The following SLC2A11 variants were observed in gnomAD, a reference collection of about 807,000 sequenced individuals.
SLC2A11 encodes the protein solute carrier family 2 member 11.
Under a neutral mutation model 52.1 loss-of-function variants are expected in SLC2A11, and 43 were observed. The ratio of observed to expected loss-of-function variants is 0.82; its 90% CI spans 0.65 to 1.06. The LOEUF is 1.06. SLC2A11 is among the 50% of genes least tolerant of loss of function. The probability of loss-of-function intolerance (pLI) is 0.00; values close to 1 mark genes in which losing one functional copy is unlikely to be tolerated. For synonymous variants in SLC2A11, 261 were observed against 277.6 expected, an observed-to-expected ratio of 0.94 and a Z score of 0.59; for missense variants, 582 against 654.2, an observed-to-expected ratio of 0.89 and a Z score of 1.20.
Position 23,882,456 on chromosome 22 carries a change from C to T in SLC2A11, c.695-3C>T. On this transcript the variant is annotated splice_region_variant and splice_polypyrimidine_tract_variant and intron_variant, in intron 6 of 11. Transcript: ENST00000316185. ...GAGCTCAGTACCCTCCTCCCTGGCT[C>T]AGCACTACGGCGGCTCCGGGGCTCC... The T allele has an allele frequency of 6.5e-7, 1 of 1,533,084 alleles. No individual in the cohort carries two copies. 95.0% of individuals were successfully genotyped at this position (1,533,084 alleles called of 1,614,324 possible).
At chr22:23,862,553 G>A (rs1270780507) in intron 2 of SLC2A11, among the ~76,000 whole-genome samples, 1 of 151,704 alleles carries the variant, frequency 6.6e-6, no homozygotes, top group Admixed American at 6.6e-5. Flanking sequence ...TTCTGGCCCA[G>A]CCTCCTCACT....
chr22:23,885,012 C>G lies in SLC2A11; in HGVS notation c.*163C>G, dbSNP rs368340967. On this transcript the variant is annotated 3_prime_UTR_variant, in exon 12 of 12. Transcript: ENST00000316185. The stretch of plus-strand genomic sequence containing the variant: ...CAGGTGCTTAGCAATCAATGGTGAG[C>G]GTGGTATTCCAGGCTAAAGGTAATT... 1,255 of 603,744 alleles carry G rather than the reference C, an allele frequency of 2.1e-3. 34 individuals are homozygous for G. In the South Asian group the frequency reaches 0.025, roughly 12 times the overall value. 37.4% of individuals were successfully genotyped at this position (603,744 alleles called of 1,614,324 possible). A position where few individuals can be genotyped will look rare whatever the true frequency, so the allele number is the denominator to read the frequency against.
rs767065805 is a variant in SLC2A11, at chr22:23,884,366, G to A, written c.1236G>A (p.Met412Ile). The A allele has an allele frequency of 3.1e-6, 5 of 1,614,060 alleles. No homozygotes were observed. Among genetic ancestry groups the A allele is most frequent in the Non-Finnish European group, 4.2e-6 (5 of 1,180,024 alleles). ...FDQMARPAAC[M>I]VCGALMWIML... ...AGATGGCCAGGCCTGCTGCCTGCAT[G>A]GTCTGCGGGGCGCTCATGTGGATCA... is the stretch of plus-strand genomic sequence containing the variant. Residue 412 changes from methionine to isoleucine, a missense_variant, in exon 11 of 12, where the codon ATG (methionine) becomes ATA (isoleucine). Coordinates refer to ENST00000316185, the MANE Select transcript of SLC2A11 (RefSeq NM_001024939.4). This position sits in a 1 kb window ranked among gnomAD's most constrained non-coding sequence, Gnocchi z 4.3.
At chr22:23,881,881 G>C (rs1304594713) in intron 6 of SLC2A11, 1 of 158,754 alleles carries the variant, frequency 6.3e-6, no homozygotes, top group Non-Finnish European at 1.4e-5. Context: ...CAGAGGCAGA[G>C]AGAGAGAAAC....
chr22:23,877,016 C>A (rs750950543), intron 4 of SLC2A11, 26 bp from the exon 5 acceptor site: 1 of 1,613,622 alleles, frequency 6.2e-7, no homozygotes, highest in South Asian at 1.1e-5. Context: ...TGGTGGCTGA[C>A]GTGCCTCTGC....
At chr22:23,869,135 G>A (rs1313603630) in intron 3 of SLC2A11, 1 of 159,806 alleles carries the variant, frequency 6.3e-6, no homozygotes, top group Admixed American at 6.0e-5. Context: ...AGATTGCATG[G>A]GTCCAGGAGT....
upstream of SLC2A11, chr22:23,857,083 G>A: frequency 1.7e-6 from 2 of 1,192,132 alleles, no homozygotes; most frequent in Non-Finnish European, 2.4e-6. Flanking sequence ...TGGGGGGGGG[G>A]GGGTGTAGGT....
rs1459359122 is a variant in SLC2A11, at chr22:23,884,140, C to T, written c.1171+116C>T. The T allele has an allele frequency of 6.7e-7, 1 of 1,500,844 alleles. No individual in the cohort carries two copies. Among genetic ancestry groups the T allele is most frequent in the East Asian group, 2.4e-5 (1 of 42,222 alleles). The allele number at this position is 1,500,844 out of a possible 1,614,324, so 93.0% of individuals were successfully genotyped here. A position where few individuals can be genotyped will look rare whatever the true frequency, so the allele number is the denominator to read the frequency against. The stretch of plus-strand genomic sequence containing the variant: ...GTCCCCTGCAGGCCCTCAGAGACCA[C>T]CTCATGCCGGGGCTTCTGGGAGGGA... On this transcript the variant is annotated intron_variant, in intron 10 of 11. Transcript: ENST00000316185. This position sits in a 1 kb window ranked among gnomAD's most constrained non-coding sequence, Gnocchi z 4.3.
intron 3 of SLC2A11, among the ~76,000 whole-genome samples, chr22:23,874,198 T>A (rs1280263617): frequency 6.6e-6 from 1 of 152,242 alleles, no homozygotes; most frequent in Non-Finnish European, 1.5e-5. Flanking sequence ...GAAACTCTAC[T>A]TGACTATCTA....
At chr22:23,876,868 C>A (rs184947968) in intron 4 of SLC2A11, among the ~76,000 whole-genome samples, 174 bp from the exon 5 acceptor site, 1 of 152,094 alleles carries the variant, frequency 6.6e-6, no homozygotes, top group African/African-American at 2.4e-5. Context: ...TCCTGTTGGC[C>A]CTTCATCAGG....
upstream of SLC2A11, chr22:23,857,749 G>A: frequency 7.5e-7 from 1 of 1,339,206 alleles, no homozygotes; most frequent in Non-Finnish European, 9.9e-7. Flanking sequence ...CTTAGTCCCG[G>A]CCATCGTTTA....
At chr22:23,874,339 T>G (rs969168429) in intron 3 of SLC2A11, among the ~76,000 whole-genome samples, 1 of 152,290 alleles carries the variant, frequency 6.6e-6, no homozygotes, top group East Asian at 1.9e-4. Context: ...GAGGCTGGAG[T>G]GCAGTGGCGT....
intron 4 of SLC2A11, among the ~76,000 whole-genome samples, chr22:23,875,846 C>T (rs1387343901): frequency 6.6e-6 from 1 of 152,216 alleles, no homozygotes; most frequent in Non-Finnish European, 1.5e-5. Flanking sequence ...CTCACAGTTT[C>T]TGTGGGCCAG....
chr22:23,868,270 A>G, intron 2 of SLC2A11: 1 of 580,996 alleles, frequency 1.7e-6, no homozygotes, highest in East Asian at 2.8e-5. Context: ...GCTCTGAGAG[A>G]TATTGCCCAT....
intron 1 of SLC2A11, among the ~76,000 whole-genome samples, chr22:23,861,836 C>T (rs975010042): frequency 5.3e-5 from 8 of 152,148 alleles, no homozygotes; most frequent in African/African-American, 1.4e-4. Context: ...GGATGGGAAC[C>T]GCTCTCCAGC....
At chr22:23,861,179 C>CA (rs1487968949) in intron 1 of SLC2A11, among the ~76,000 whole-genome samples, 1 of 147,962 alleles carries the variant, frequency 6.8e-6, no homozygotes, top group Non-Finnish European at 1.5e-5. Context: ...GGGGTTTCAC[C>CA]ATCTTGGCCA....
intron 2 of SLC2A11, 36 bp downstream of exon 2, chr22:23,862,238 T>A: frequency 1.3e-6 from 2 of 1,593,790 alleles, no homozygotes; most frequent in Non-Finnish European, 1.7e-6. Flanking sequence ...TGTCCCTGTC[T>A]GAGTGGGTAC....
intron 2 of SLC2A11, among the ~76,000 whole-genome samples, chr22:23,862,645 T>G (rs1170208136): frequency 6.6e-6 from 1 of 151,722 alleles, no homozygotes; most frequent in African/African-American, 2.4e-5. Context: ...TTTTTCGAGA[T>G]GGAGTTTCGC....
chr22:23,858,173 T>C, intron 1 of SLC2A11, 144 bp downstream of exon 1: 1 of 1,241,646 alleles, frequency 8.1e-7, no homozygotes, highest in Non-Finnish European at 1.2e-6. Context: ...ACAGTGGCGT[T>C]AGGTGCTAGG....
Sources: gnomAD v4.1 joint callset for allele counts (sites outside exome capture counted in the v4.1 genomes callset) on GRCh38, gnomAD v4.1.1 for gene constraint, Gnocchi (gnomAD v3.1) non-coding constraint, MANE v1.5 for transcripts, NCBI Gene and HGNC (gene_info 2026-07-23, HGNC 2026-07-21) for gene names.